Variants in BDP1 observed in about 807,000 individuals in gnomAD.
BDP1 encodes the protein BDP1 general transcription factor IIIB subunit, also known as transcription factor TFIIIB component B'' homolog.
In BDP1, 169 loss-of-function variants were observed where a neutral mutation model predicts 266.6. That is an observed-to-expected ratio of 0.63 (90% CI 0.56 to 0.72). The LOEUF (loss-of-function observed/expected upper bound fraction) is 0.72. BDP1 is among the 30% of genes least tolerant of loss of function. The probability of loss-of-function intolerance (pLI) is 0.00; values close to 1 mark genes in which losing one functional copy is unlikely to be tolerated. For missense variants in BDP1, 3,015 were observed against 3,053.8 expected, an observed-to-expected ratio of 0.99 and a Z score of 0.30; for synonymous variants, 1,090 against 1,022.4, an observed-to-expected ratio of 1.07 and a Z score of -1.26.
intron 38 of BDP1, chr5:71,562,989 G>C: frequency 1.0e-6 from 1 of 954,394 alleles, no homozygotes; most frequent in Non-Finnish European, 1.4e-6. Flanking sequence ...GAAGGCTGGT[G>C]AGCATCTGTT....
intron 25 of BDP1, among the ~76,000 whole-genome samples, chr5:71,525,331 A>G (rs1486563058): frequency 7.6e-6 from 1 of 131,640 alleles, no homozygotes; most frequent in Non-Finnish European, 1.6e-5. Context: ...ACTTCCCAGT[A>G]GGGGCGGCCG....
chr5:71,571,561 G>C (rs547432019), downstream of BDP1, among the ~76,000 whole-genome samples: 1 of 152,178 alleles, frequency 6.6e-6, no homozygotes, highest in Admixed American at 6.5e-5. Context: ...GTATAGTAGT[G>C]AGCATCAGAA....
chr5:71,549,643 A>T, intron 34 of BDP1, 37 bp downstream of exon 34: 1 of 1,543,710 alleles, frequency 6.5e-7, no homozygotes, highest in Admixed American at 1.9e-5. Context: ...CTAGGAGGAA[A>T]AGTGATTTAT....
rs552593030 is a variant in BDP1, at chr5:71,480,277, A to ATTTTTTTTTTT, written c.1015-3545_1015-3535dup. On this transcript the variant is annotated intron_variant, in intron 7 of 38. Coordinates refer to ENST00000358731, the MANE Select transcript of BDP1 (RefSeq NM_018429.3). Reference sequence around the variant, plus strand: ...AGGCGCGCACCACCATGCCCAGCTAATTTTTTTTTTTTTTTTTTTTTTTTT... The same window carrying ATTTTTTTTTTT: ...AGGCGCGCACCACCATGCCCAGCTAATTTTTTTTTTTTTTTTTTTTTTTTTTTTTTTTTTTT... 4.8e-5 allele frequency among the ~76,000 whole-genome samples: 5 copies of ATTTTTTTTTTT among 105,014 alleles called. 1 individual carries two copies. The highest frequency in any genetic ancestry group is 3.6e-4 in the Admixed American group (3 of 8,302). The allele number at this position is 105,014 out of a possible 152,430, so 68.9% of individuals were successfully genotyped here.
At chr5:71,546,474 C>T (rs1330376555) in intron 32 of BDP1, among the ~76,000 whole-genome samples, 1 of 151,686 alleles carries the variant, frequency 6.6e-6, no homozygotes, top group Non-Finnish European at 1.5e-5. Flanking sequence ...AAAAATTAGC[C>T]AGTCGTGGTG....
At position 71,511,110 on chromosome 5, in the gene BDP1, G is replaced by A. The variant is rs761275434; in HGVS notation, c.4018G>A (p.Gly1340Ser). Residue 1340 changes from glycine to serine, a missense_variant, in exon 17 of 39, where the codon GGT (glycine) becomes AGT (serine). By Grantham distance (56) the Gly-to-Ser change is moderately conservative. This residue lies in a region of BDP1 where 2,383 missense variants were observed against 2,404.9 expected (regional missense o/e 0.99). Transcript: ENST00000358731. ...RQTDTHLMQS[G>S]SNDFSAVPSL... ...AACTGACACACATTTAATGCAGAGC[G>A]GTAGCAATGACTTCAGTGCTGTGCC... 5 of 1,613,826 alleles carry A rather than the reference G, an allele frequency of 3.1e-6. No individual in the cohort carries two copies. The highest frequency in any genetic ancestry group is 4.5e-5 in the East Asian group (2 of 44,894).
At chr5:71,545,581 T>C (rs953138275) in intron 32 of BDP1, 3 of 233,774 alleles carry the variant, frequency 1.3e-5, no homozygotes, top group Non-Finnish European at 2.5e-5. Context: ...TCCACCTGCG[T>C]TGGCCTCCAA....
intron 19 of BDP1, among the ~76,000 whole-genome samples, chr5:71,513,865 C>T (rs1446877859): frequency 2.0e-5 from 3 of 151,882 alleles, no homozygotes; most frequent in African/African-American, 7.3e-5. Context: ...ACTACAGGCG[C>T]GTGCTGCCAT....
At chr5:71,551,560 C>G (rs1332093051) in intron 34 of BDP1, among the ~76,000 whole-genome samples, 4 of 152,372 alleles carry the variant, frequency 2.6e-5, no homozygotes, top group Admixed American at 2.0e-4. Flanking sequence ...TTTTCCTCAC[C>G]TTTCCCCCTT....
intron 31 of BDP1, 101 bp downstream of exon 31, chr5:71,544,608 G>A (rs1210925781): frequency 1.8e-5 from 22 of 1,254,890 alleles, no homozygotes; most frequent in South Asian, 4.7e-5. Flanking sequence ...GGCCGGGCAC[G>A]GTGGCTCACG....
At chr5:71,569,495 C>G (rs188449169), downstream of BDP1, among the ~76,000 whole-genome samples, 6 of 152,248 alleles carry the variant, frequency 3.9e-5, no homozygotes, top group East Asian at 9.7e-4. Context: ...GCCTGTAATC[C>G]TAGCACTTTG....
rs770609383 is a variant in BDP1, at chr5:71,562,388, A to G, written c.7611A>G (p.Gly2537=). The G allele has an allele frequency of 6.2e-7, 1 of 1,613,942 alleles. No individual in the cohort carries two copies. Residue 2537 remains glycine, a synonymous_variant, in exon 38 of 39, where the codon GGA becomes GGG. Coordinates refer to ENST00000358731, the MANE Select transcript of BDP1 (RefSeq NM_018429.3). ...AACGCCTAAAACCTCTTATACCTGG[A>G]TTAAGAAAGAAATTGAAAAGATCTA... is the stretch of plus-strand genomic sequence containing the variant. ...SKKRLKPLIP[G]LRKKLKRSNP...
chr5:71,501,664 A>G lies in BDP1; in HGVS notation c.2048+11A>G. On this transcript the variant is annotated intron_variant, in intron 14 of 38. Transcript: ENST00000358731. ...TGAAACTGTATCTGTGTGAGTATTC[A>G]GGAAGTAGTAAAAAAAAAAAAAAAA... The G allele has an allele frequency of 9.5e-7, 1 of 1,056,560 alleles. No homozygotes were observed. Among genetic ancestry groups the G allele is most frequent in the Non-Finnish European group, 1.4e-6 (1 of 722,810 alleles). 65.4% of individuals were successfully genotyped at this position (1,056,560 alleles called of 1,614,324 possible).
At chr5:71,523,862 C>A in intron 24 of BDP1, 77 bp from the exon 25 acceptor site, 1 of 1,372,508 alleles carries the variant, frequency 7.3e-7, no homozygotes, top group South Asian at 1.6e-5. Context: ...ACTGGAATTT[C>A]ACTCTAAAAG....
intron 12 of BDP1, among the ~76,000 whole-genome samples, chr5:71,495,680 A>G (rs893593239): frequency 2.0e-5 from 3 of 152,182 alleles, no homozygotes; most frequent in East Asian, 3.8e-4. Context: ...CGAAATTCTA[A>G]AACAATTTGG....
intron 34 of BDP1, among the ~76,000 whole-genome samples, chr5:71,551,973 C>T (rs1439346008): frequency 2.7e-5 from 4 of 150,030 alleles, no homozygotes; most frequent in Non-Finnish European, 3.0e-5. Context: ...ACCTCCCTCC[C>T]GGACGGGGCG....
intron 34 of BDP1, 146 bp downstream of exon 34, chr5:71,549,752 T>C: frequency 1.6e-6 from 1 of 615,720 alleles, no homozygotes; most frequent in East Asian, 3.2e-5. Flanking sequence ...AGAGAAGAAA[T>C]GTAATGTGGT....
At chr5:71,502,531 T>C (rs1764312605) in intron 14 of BDP1, 68 bp from the exon 15 acceptor site, 1 of 1,315,224 alleles carries the variant, frequency 7.6e-7, no homozygotes, top group Admixed American at 2.5e-5. Context: ...GGTTTACTTA[T>C]TCATGCCAGG....
At chr5:71,493,709 C>T (rs865973408) in intron 11 of BDP1, among the ~76,000 whole-genome samples, 9 of 152,150 alleles carry the variant, frequency 5.9e-5, no homozygotes, top group South Asian at 2.1e-4. Flanking sequence ...GACTAATTTT[C>T]GAGCTAGAGT....
Sources: allele counts gnomAD v4.1 joint callset (sites outside exome capture counted in the v4.1 genomes callset), GRCh38; gene constraint gnomAD v4.1.1; regional missense constraint gnomAD v4.1.1; transcripts MANE v1.5; gene names NCBI Gene and HGNC (gene_info 2026-07-23, HGNC 2026-07-21).